The following CHRNA3 variants were observed in gnomAD, a reference collection of about 807,000 sequenced individuals.
CHRNA3 encodes cholinergic receptor nicotinic alpha 3 subunit.
In CHRNA3, 34 loss-of-function variants were observed where a neutral mutation model predicts 41.9. The observed-to-expected ratio is 0.81, with a 90% CI of 0.62 to 1.08. The LOEUF (loss-of-function observed/expected upper bound fraction) is 1.08, where lower values mean the gene tolerates loss of function less well. CHRNA3 is among the 50% of genes least tolerant of loss of function. The probability of loss-of-function intolerance (pLI) is 0.00; values close to 1 mark genes in which losing one functional copy is unlikely to be tolerated. For synonymous variants in CHRNA3, 281 were observed against 265.2 expected (o/e 1.06, Z -0.58); for missense variants, 542 against 638.3 (o/e 0.85, Z 1.63).
chr15:78,604,214 A>G (rs758078635), intron 4 of CHRNA3, among the ~76,000 whole-genome samples: 16 of 152,170 alleles, frequency 1.1e-4, no homozygotes, highest in Non-Finnish European at 2.4e-4. Context: ...AGGGGCAGAG[A>G]TGAATAGCTG....
At chr15:78,610,444 T>C (rs1287987527) in intron 4 of CHRNA3, among the ~76,000 whole-genome samples, 3 of 152,000 alleles carry the variant, frequency 2.0e-5, no homozygotes, top group Non-Finnish European at 2.9e-5. Flanking sequence ...CTCAACTACA[T>C]GGAAACTGAA....
At chr15:78,618,707 T>G in intron 2 of CHRNA3, 46 bp from the exon 3 acceptor site, 1 of 1,614,082 alleles carries the variant, frequency 6.2e-7, no homozygotes, top group Non-Finnish European at 8.5e-7. Context: ...AAAACAAGAC[T>G]AATTCTGGGA....
At chr15:78,615,796 C>T (rs1237150133) in intron 4 of CHRNA3, among the ~76,000 whole-genome samples, 1 of 133,322 alleles carries the variant, frequency 7.5e-6, no homozygotes, top group South Asian at 2.4e-4. Flanking sequence ...GGCTGGAGTA[C>T]AGTGGTGTGA....
intron 5 of CHRNA3, among the ~76,000 whole-genome samples, chr15:78,599,460 G>C (rs911177377): frequency 3.3e-5 from 5 of 151,828 alleles, no homozygotes; most frequent in African/African-American, 1.2e-4. Context: ...AGGGGGAGGG[G>C]CTTGGTGGAG....
downstream of CHRNA3, chr15:78,594,346 TAGTC>T (rs1191289461): frequency 3.3e-5 from 5 of 152,228 alleles, no homozygotes; most frequent in South Asian, 2.1e-4. Context: ...GATCTTAGAA[TAGTC>T]AGTCCACTAC....
Position 78,601,754 on chromosome 15 carries a change from G to A in CHRNA3, c.888C>T (p.Ser296=). ...FLLVITETIP[S]TSLVIPLIGE... ...CAATCAGGGGGATGACCAGCGAGGT[G>A]GAAGGGATGGTCTCAGTGATCACCA... is the stretch of plus-strand genomic sequence containing the variant. Residue 296 remains serine, a synonymous_variant, in exon 5 of 6, where the codon TCC becomes TCT. Transcript: ENST00000326828. 1.2e-6 allele frequency: 2 copies of A among 1,614,136 alleles called. No individual in the cohort carries two copies. The highest frequency in any genetic ancestry group is 1.7e-6 in the Non-Finnish European group (2 of 1,180,032).
At chr15:78,605,562 A>G (rs2053271160) in intron 4 of CHRNA3, among the ~76,000 whole-genome samples, 2 of 152,210 alleles carry the variant, frequency 1.3e-5, no homozygotes. Flanking sequence ...AATGGAACAG[A>G]GAGGGCTCCA....
intron 4 of CHRNA3, among the ~76,000 whole-genome samples, chr15:78,612,345 CATGGTACTG>C (rs1596080824): frequency 6.8e-6 from 1 of 146,534 alleles, no homozygotes; most frequent in East Asian, 2.0e-4. Flanking sequence ...ACCAAAACAG[CATGGTACTG>C]GTACCAAAAC....
intron 4 of CHRNA3, among the ~76,000 whole-genome samples, chr15:78,604,109 T>C (rs1251552487): frequency 6.6e-6 from 1 of 152,054 alleles, no homozygotes; most frequent in Non-Finnish European, 1.5e-5. Context: ...GGTCCAGGGG[T>C]TGGCAAGCTG....
At chr15:78,617,691 C>T (rs917566302) in intron 3 of CHRNA3, among the ~76,000 whole-genome samples, 9 of 152,250 alleles carry the variant, frequency 5.9e-5, no homozygotes, top group African/African-American at 1.9e-4. Context: ...ACAGAGGGAA[C>T]GTGTGCATCA....
At chr15:78,604,297 C>T (rs958053229) in intron 4 of CHRNA3, among the ~76,000 whole-genome samples, 1 of 152,146 alleles carries the variant, frequency 6.6e-6, no homozygotes, top group Admixed American at 6.5e-5. Flanking sequence ...ATTTGCTAGC[C>T]CCTGCTCTAG....
At chr15:78,614,435 C>T (rs1172927070) in intron 4 of CHRNA3, among the ~76,000 whole-genome samples, 2 of 152,134 alleles carry the variant, frequency 1.3e-5, no homozygotes, top group East Asian at 1.9e-4. Context: ...ATACAAGAAA[C>T]ATTTATAAGT....
intron 5 of CHRNA3, among the ~76,000 whole-genome samples, chr15:78,598,592 G>GCGTCTC (rs2053148814): frequency 6.6e-6 from 1 of 152,114 alleles, no homozygotes; most frequent in Non-Finnish European, 1.5e-5. Context: ...CCAGGCTGGA[G>GCGTCTC]TGCAGTGGCA....
At chr15:78,619,573 C>A (rs2053518322) in intron 1 of CHRNA3, among the ~76,000 whole-genome samples, 1 of 151,924 alleles carries the variant, frequency 6.6e-6, no homozygotes, top group Non-Finnish European at 1.5e-5. Context: ...GGGGTGGCCA[C>A]CAGCCCTCTT....
In CHRNA3 at chr15:78,618,803, C is replaced by G; in HGVS notation, c.195G>C (p.Glu65Asp). The G allele has an allele frequency of 6.2e-7, 1 of 1,614,138 alleles. No individual in the cohort carries two copies. The highest frequency in any genetic ancestry group is 8.5e-7 in the Non-Finnish European group (1 of 1,180,030). The stretch of plus-strand genomic sequence containing the variant: ...CCTTCACCAGCTGAGACATGGACAC[C>G]TCGAAATGGATGATGACTGGGTCAG... ...NVSDPVIIHF[E>D]VSMSQLVKVD... The change falls in exon 2 of 6, where the codon GAG (glutamate) becomes GAC (aspartate). Residue 65 changes from glutamate (E) to aspartate (D), a missense_variant. Physicochemically the swap from Glu to Asp is conservative, Grantham distance 45 (BLOSUM62 2). Transcript: ENST00000326828.
At chr15:78,620,367 G>C (rs1235519557) in intron 1 of CHRNA3, 2 of 173,638 alleles carry the variant, frequency 1.2e-5, no homozygotes, top group African/African-American at 2.7e-5. Flanking sequence ...TTGGGAGCCA[G>C]TGCGCGGGGC....
At chr15:78,608,713 G>A (rs2053336782) in intron 4 of CHRNA3, among the ~76,000 whole-genome samples, 1 of 151,974 alleles carries the variant, frequency 6.6e-6, no homozygotes, top group Admixed American at 6.5e-5. Context: ...CACCAGCAAT[G>A]GAACAAAGCT....
intron 3 of CHRNA3, 101 bp from the exon 4 acceptor site, chr15:78,617,234 G>T (rs1340916358): frequency 2.8e-6 from 2 of 705,390 alleles, no homozygotes; most frequent in East Asian, 5.3e-5. Context: ...CACCCCTGCT[G>T]CATGTGACCG....
At chr15:78,614,121 T>C (rs1419733171) in intron 4 of CHRNA3, among the ~76,000 whole-genome samples, 2 of 152,190 alleles carry the variant, frequency 1.3e-5, no homozygotes, top group Admixed American at 6.5e-5. Flanking sequence ...CACAGCCAAT[T>C]TGCAACATTT....
Sources: gnomAD v4.1 joint callset for allele counts (sites outside exome capture counted in the v4.1 genomes callset) on GRCh38, gnomAD v4.1.1 for gene constraint, MANE v1.5 for transcripts, NCBI Gene and HGNC (gene_info 2026-07-23, HGNC 2026-07-21) for gene names.